PTGER4: variants seen among roughly 807,000 people sequenced by gnomAD.
PTGER4 encodes prostaglandin E receptor 4, also known as prostaglandin E2 receptor EP4 subtype.
A neutral mutation model predicts 33.2 loss-of-function variants in PTGER4; 11 were observed. The observed-to-expected ratio is 0.33, with a 90% CI of 0.21 to 0.55. PTGER4 has a LOEUF of 0.55. Ranked by LOEUF, PTGER4 falls within the 20% of genes least tolerant of loss-of-function variation. The pLI is 0.92. For synonymous variants in PTGER4, 275 were observed against 281.5 expected, an observed-to-expected ratio of 0.98 and a Z score of 0.23; for missense variants, 481 against 650.2, an observed-to-expected ratio of 0.74 and a Z score of 2.83.
At chr5:40,707,285 C>T in the PTGER4 span, among the ~76,000 whole-genome samples, 1 of 152,152 alleles carries the variant, frequency 6.6e-6, no homozygotes, top group Non-Finnish European at 1.5e-5. Context: ...TCAGGAAACC[C>T]ATTTCACGTG....
At chr5:40,745,480 T>A in the PTGER4 span, among the ~76,000 whole-genome samples, 2 of 151,948 alleles carry the variant, frequency 1.3e-5, no homozygotes, top group Non-Finnish European at 2.9e-5. Context: ...AAAGCAAATA[T>A]TAAGAATTGT....
chr5:40,702,495 G>A, the PTGER4 span, among the ~76,000 whole-genome samples: 1 of 152,162 alleles, frequency 6.6e-6, no homozygotes, highest in African/African-American at 2.4e-5. Flanking sequence ...CCCAAGACAG[G>A]AGCACCCAGA....
At chr5:40,732,767 C>T in the PTGER4 span, among the ~76,000 whole-genome samples, 3 of 152,082 alleles carry the variant, frequency 2.0e-5, no homozygotes, top group Admixed American at 6.5e-5. Flanking sequence ...TGCCACCACA[C>T]CTGGCTAATT....
chr5:40,720,197 CTTTG>C, the PTGER4 span, among the ~76,000 whole-genome samples: 19 of 152,164 alleles, frequency 1.2e-4, no homozygotes, highest in East Asian at 2.7e-3. Context: ...ATGTTTAGGT[CTTTG>C]TTTGTTTTTG....
At chr5:40,694,182 C>T (rs1027760143), downstream of PTGER4, among the ~76,000 whole-genome samples, 1 of 152,144 alleles carries the variant, frequency 6.6e-6, no homozygotes, top group Admixed American at 6.5e-5. Flanking sequence ...TCTTGACTAG[C>T]TGAGATTACA....
downstream of PTGER4, among the ~76,000 whole-genome samples, chr5:40,695,460 C>T (rs569850809): frequency 1.3e-5 from 2 of 152,116 alleles, no homozygotes; most frequent in South Asian, 2.1e-4. Context: ...GCAGGAGAAT[C>T]GTTTAAACCC....
chr5:40,694,288 C>T (rs1210846124), downstream of PTGER4, among the ~76,000 whole-genome samples: 1 of 152,178 alleles, frequency 6.6e-6, no homozygotes, highest in African/African-American at 2.4e-5. Flanking sequence ...TGGCTTCAAG[C>T]AGCCTGCCCA....
At chr5:40,742,695 G>A in the PTGER4 span, among the ~76,000 whole-genome samples, 1 of 152,082 alleles carries the variant, frequency 6.6e-6, no homozygotes, top group African/African-American at 2.4e-5. Context: ...AAAAAAAGAA[G>A]AAAAAGAATA....
At chr5:40,698,520 T>C (rs1027411262), downstream of PTGER4, among the ~76,000 whole-genome samples, 1 of 152,178 alleles carries the variant, frequency 6.6e-6, no homozygotes, top group African/African-American at 2.4e-5. Flanking sequence ...ATGTAAAGTA[T>C]GAAAATACCA....
At chr5:40,697,290 GAAAGAAA>G (rs1179330662), downstream of PTGER4, among the ~76,000 whole-genome samples, 3 of 137,268 alleles carry the variant, frequency 2.2e-5, no homozygotes, top group African/African-American at 7.8e-5. Context: ...AAGAAAGAAA[GAAAGAAA>G]AAGAAAGGCC....
At position 40,692,332 on chromosome 5, in the gene PTGER4, T is replaced by G. The variant is rs1209388078; in HGVS notation, c.1421T>G (p.Val474Gly). 1 of 1,608,466 alleles carries G rather than the reference T, an allele frequency of 6.2e-7. No homozygotes were observed. The change falls in exon 3 of 3, where the codon GTC (valine) becomes GGC (glycine). Residue 474 changes from valine (V) to glycine (G), a missense_variant. Physicochemically the swap from Val to Gly is moderately radical, Grantham distance 109 (BLOSUM62 -3). Around this residue, in one of 7 missense-constraint regions of PTGER4, gnomAD observed 172 missense variants for 199.2 expected, o/e 0.86. Coordinates refer to ENST00000302472, the MANE Select transcript of PTGER4 (RefSeq NM_000958.3). The part of the protein sequence containing the change: ...GPAPKGSSLQ[V>G]TFPSETLNLS... ...GCCCCTAAGGGGAGCTCCCTGCAAGTCACATTTCCCAGTGAAACACTGAAC... is the reference window on the plus strand; with the variant it reads ...GCCCCTAAGGGGAGCTCCCTGCAAGGCACATTTCCCAGTGAAACACTGAAC...
In PTGER4 at chr5:40,681,533, G is replaced by T. The variant is rs769560857; in HGVS notation, c.540G>T (p.Ala180=). ...TCGACTGGACCACCAACGTGACGGCGCACGCCGCCTACTCCTACATGTACG... is the reference window on the plus strand; with the variant it reads ...TCGACTGGACCACCAACGTGACGGCTCACGCCGCCTACTCCTACATGTACG... ...CFIDWTTNVT[A]HAAYSYMYAG... is the part of the protein sequence containing the mutation. The change falls in exon 2 of 3, where the codon GCG becomes GCT. Residue 180 remains alanine, a synonymous_variant. Coordinates refer to ENST00000302472, the MANE Select transcript of PTGER4 (RefSeq NM_000958.3). This position sits in a 1 kb window ranked among gnomAD's most constrained non-coding sequence, Gnocchi z 9.8. 15 of 1,612,518 alleles carry T rather than the reference G, an allele frequency of 9.3e-6. No individual in the cohort carries two copies. The highest frequency in any genetic ancestry group is 1.7e-5 in the Admixed American group (1 of 60,008).
At chr5:40,685,264 G>A (rs1335515330) in intron 2 of PTGER4, 1 of 328,618 alleles carries the variant, frequency 3.0e-6, no homozygotes. Context: ...AATACTTCCT[G>A]TGACTGTTTA....
At chr5:40,720,378 T>G in the PTGER4 span, among the ~76,000 whole-genome samples, 1 of 152,220 alleles carries the variant, frequency 6.6e-6, no homozygotes, top group Non-Finnish European at 1.5e-5. Context: ...TTCTGTACTT[T>G]CAGTTCTATC....
chr5:40,693,225 T>A lies in PTGER4; in HGVS notation c.*847T>A. On this transcript the variant is annotated 3_prime_UTR_variant, in exon 3 of 3. Coordinates refer to ENST00000302472, the MANE Select transcript of PTGER4 (RefSeq NM_000958.3). ...TAACATGCTGGTGAATATTTTCAAC[T>A]TTTTCCCTCACTAATTGGTACTTTT... 1.0e-6 allele frequency: 1 copy of A among 984,202 alleles called. No homozygotes were observed. Among genetic ancestry groups the A allele is most frequent in the Non-Finnish European group, 1.2e-6 (1 of 828,446 alleles). 61.0% of individuals were successfully genotyped at this position (984,202 alleles called of 1,614,324 possible). A position where few individuals can be genotyped will look rare whatever the true frequency, so the allele number is the denominator to read the frequency against.
intron 2 of PTGER4, among the ~76,000 whole-genome samples, chr5:40,684,806 T>C (rs1741286543): frequency 1.3e-5 from 2 of 152,328 alleles, no homozygotes; most frequent in Non-Finnish European, 2.9e-5. Context: ...CATTCTTCTA[T>C]TTATAACCAG....
At chr5:40,682,395 A>G (rs1306414738) in intron 2 of PTGER4, among the ~76,000 whole-genome samples, 1 of 152,216 alleles carries the variant, frequency 6.6e-6, no homozygotes, top group Non-Finnish European at 1.5e-5. Context: ...TAGAAGAGAT[A>G]TCAAGAGGTG....
the PTGER4 span, among the ~76,000 whole-genome samples, chr5:40,724,036 A>T: frequency 2.0e-5 from 3 of 152,240 alleles, no homozygotes; most frequent in Non-Finnish European, 4.4e-5. Context: ...CTGGATATTT[A>T]TCCAAAAGAA....
chr5:40,693,193 G>T lies in PTGER4; in HGVS notation c.*815G>T. ...TTTATCCAGAAAACTGTGATTTCAG[G>T]AGAACCTAACATGCTGGTGAATATT... On this transcript the variant is annotated 3_prime_UTR_variant, in exon 3 of 3. Transcript: ENST00000302472. 1 of 982,478 alleles carries T rather than the reference G, an allele frequency of 1.0e-6. No individual in the cohort carries two copies. The highest frequency in any genetic ancestry group is 1.2e-6 in the Non-Finnish European group (1 of 826,986). 60.9% of individuals were successfully genotyped at this position (982,478 alleles called of 1,614,324 possible).
Sources: gnomAD v4.1 joint callset for allele counts (sites outside exome capture counted in the v4.1 genomes callset) on GRCh38, gnomAD v4.1.1 for gene constraint, gnomAD v4.1.1 regional missense constraint, Gnocchi (gnomAD v3.1) non-coding constraint, MANE v1.5 for transcripts, NCBI Gene and HGNC (gene_info 2026-07-23, HGNC 2026-07-21) for gene names.